The following PLAGL2 variants were observed in gnomAD, a reference collection of about 807,000 sequenced individuals.
PLAGL2 encodes the protein zinc finger protein PLAGL2.
PLAGL2 carries 7 observed loss-of-function variants against 29.0 expected under a neutral mutation model. The ratio of observed to expected loss-of-function variants is 0.24; its 90% CI spans 0.14 to 0.45. PLAGL2 has a LOEUF of 0.45. Ranked by LOEUF, PLAGL2 falls within the 20% of genes least tolerant of loss-of-function variation. The probability of loss-of-function intolerance (pLI) is 0.99; values close to 1 mark genes in which losing one functional copy is unlikely to be tolerated. For missense variants in PLAGL2, 454 were observed against 648.2 expected (o/e 0.70, Z 3.25); for synonymous variants, 234 against 266.0 (o/e 0.88, Z 1.17).
chr20:32,205,290 T>G (rs2047280560), intron 1 of PLAGL2, among the ~76,000 whole-genome samples: 2 of 152,130 alleles, frequency 1.3e-5, no homozygotes, highest in Non-Finnish European at 2.9e-5. Context: ...GTTTCCTTCC[T>G]TTCCCAACAT....
intron 2 of PLAGL2, among the ~76,000 whole-genome samples, chr20:32,200,822 G>C (rs2122541436): frequency 6.6e-6 from 1 of 151,356 alleles, no homozygotes; most frequent in Admixed American, 6.6e-5. Flanking sequence ...TCAAACTCCT[G>C]GCCTCAAGTG....
At chr20:32,205,369 C>T (rs977213441) in intron 1 of PLAGL2, among the ~76,000 whole-genome samples, 5 of 152,120 alleles carry the variant, frequency 3.3e-5, no homozygotes, top group African/African-American at 1.2e-4. Context: ...TTAAAGAGCC[C>T]CTTACTTTAC....
chr20:32,197,512 C>T lies in PLAGL2; in HGVS notation c.431G>A (p.Arg144His). 3 of 1,614,086 alleles carry T rather than the reference C, an allele frequency of 1.9e-6. No individual in the cohort carries two copies. Among genetic ancestry groups the T allele is most frequent in the Non-Finnish European group, 2.5e-6 (3 of 1,180,034 alleles). Residue 144 changes from arginine to histidine, a missense_variant, in exon 3 of 3, where the codon CGC (arginine) becomes CAC (histidine). Physicochemically the swap from Arg to His is conservative, Grantham distance 29 (BLOSUM62 0). Transcript: ENST00000246229. This position sits in a 1 kb window ranked among gnomAD's most constrained non-coding sequence, Gnocchi z 6.6. The stretch of plus-strand genomic sequence containing the variant: ...GCTGGCAGCATGCATGGCCAGGTGG[C>T]GCCGGTAGCCCAGCTTCGTATTGTA... Reference protein sequence around the residue: ...KNYNTKLGYRRHLAMHAASSG... With the variant: ...KNYNTKLGYRHHLAMHAASSG...
intron 2 of PLAGL2, 68 bp downstream of exon 2, chr20:32,201,851 G>T: frequency 7.3e-7 from 1 of 1,375,514 alleles, no homozygotes; most frequent in Non-Finnish European, 1.0e-6. Context: ...ACCCACACTA[G>T]GCAGAGTCTC....
In PLAGL2 at chr20:32,192,954, A is replaced by G. The variant is rs2047208780; in HGVS notation, c.*3498T>C. On this transcript the variant is annotated 3_prime_UTR_variant, in exon 3 of 3. Transcript: ENST00000246229. Reference sequence around the variant, plus strand: ...GAGGCACTAGGTTATCATGGTGAACACCCTTTTCCCTCGCCATAGACCCTA... The same window carrying G: ...GAGGCACTAGGTTATCATGGTGAACGCCCTTTTCCCTCGCCATAGACCCTA... 6.6e-6 allele frequency: 1 copy of G among 152,414 alleles called. No individual in the cohort carries two copies. 9.4% of individuals were successfully genotyped at this position (152,414 alleles called of 1,614,324 possible).
intron 1 of PLAGL2, among the ~76,000 whole-genome samples, chr20:32,203,629 C>T (rs1275021285): frequency 6.6e-6 from 1 of 152,172 alleles, no homozygotes. Flanking sequence ...AGGGCTCCAA[C>T]TGCACAAACT....
At chr20:32,198,613 G>A (rs1181150226) in intron 2 of PLAGL2, among the ~76,000 whole-genome samples, 5 of 152,128 alleles carry the variant, frequency 3.3e-5, no homozygotes, top group African/African-American at 1.2e-4. Flanking sequence ...CTCCATCCTG[G>A]GTGACAGAGC....
rs1258727083 is a variant in PLAGL2, at chr20:32,196,711, T to C, written c.1232A>G (p.Asn411Ser). ...ANLSEALCAA[N>S]VDFSHLLGFL... ...GCCCAGTAGGTGGGAGAAGTCCACA[T>C]TAGCAGCGCAGAGGGCCTCAGAGAG... Residue 411 changes from asparagine to serine, a missense_variant, in exon 3 of 3, where the codon AAT becomes AGT. Physicochemically the swap from Asn to Ser is conservative, Grantham distance 46. Around this residue, in one of 4 missense-constraint regions of PLAGL2, gnomAD observed 247 missense variants for 350.3 expected, o/e 0.71. Transcript: ENST00000246229. The C allele has an allele frequency of 6.4e-7, 1 of 1,567,552 alleles. No homozygotes were observed. Among genetic ancestry groups the C allele is most frequent in the Non-Finnish European group, 8.6e-7 (1 of 1,156,208 alleles).
rs1218976668 is a variant in PLAGL2 at position 32,197,740 on chromosome 20, T to C, written c.261-58A>G. 1.4e-6 allele frequency: 2 copies of C among 1,461,578 alleles called. No individual in the cohort carries two copies. Among genetic ancestry groups the C allele is most frequent in the Admixed American group, 3.6e-5 (2 of 55,144 alleles). 90.5% of individuals were successfully genotyped at this position (1,461,578 alleles called of 1,614,324 possible). ...CAGAAAGAGGGGAGATCACAAGGGA[T>C]GACTGGACAACCAAAGGTGTCCATT... On this transcript the variant is annotated intron_variant, in intron 2 of 2. Transcript: ENST00000246229. The surrounding 1 kb of genome is among the most constrained non-coding windows in gnomAD (Gnocchi z 6.6).
At chr20:32,199,829 C>A (rs574063878) in intron 2 of PLAGL2, among the ~76,000 whole-genome samples, 82 of 151,690 alleles carry the variant, frequency 5.4e-4, no homozygotes, top group Non-Finnish European at 1.0e-3. Context: ...AAAAGTGAGA[C>A]CCTGTCTCAA....
At chr20:32,206,334 AG>A (rs1196306804) in intron 1 of PLAGL2, among the ~76,000 whole-genome samples, 1 of 152,218 alleles carries the variant, frequency 6.6e-6, no homozygotes, top group Non-Finnish European at 1.5e-5. Flanking sequence ...CACCATTCCA[AG>A]AAACATCAAA....
In PLAGL2 at chr20:32,196,174, C is replaced by T; in HGVS notation, c.*278G>A. The stretch of plus-strand genomic sequence containing the variant: ...TCTGGCGCTTTGGAGAGGAAGAGGG[C>T]CAAGTGTGGCTCCCGATTCAGGTCA... On this transcript the variant is annotated 3_prime_UTR_variant, in exon 3 of 3. Transcript: ENST00000246229. 4.0e-6 allele frequency: 1 copy of T among 250,374 alleles called. No individual in the cohort carries two copies. 15.5% of individuals were successfully genotyped at this position (250,374 alleles called of 1,614,324 possible). A position where few individuals can be genotyped will look rare whatever the true frequency, so the allele number is the denominator to read the frequency against.
chr20:32,207,199 G>A (rs958607809), intron 1 of PLAGL2, among the ~76,000 whole-genome samples: 1 of 152,154 alleles, frequency 6.6e-6, no homozygotes, highest in Admixed American at 6.5e-5. Context: ...AGGGTACAGA[G>A]CGGGCTATCT....
At chr20:32,198,048 A>G (rs568403131) in intron 2 of PLAGL2, among the ~76,000 whole-genome samples, 67 of 152,342 alleles carry the variant, frequency 4.4e-4, no homozygotes, top group Non-Finnish European at 8.5e-4. Context: ...CAGGAAGTAG[A>G]AAAAAAGCAA....
In PLAGL2 at chr20:32,193,825, C is replaced by T. The variant is rs1442172335; in HGVS notation, c.*2627G>A. ...TTAGGAAGGGAGGTTTAAGAAATGA[C>T]TGGCTAGCTATGGTCCAAAAAAAAA... On this transcript the variant is annotated 3_prime_UTR_variant, in exon 3 of 3. Transcript: ENST00000246229. The T allele has an allele frequency of 6.6e-6, 1 of 151,582 alleles. No individual in the cohort carries two copies. The highest frequency in any genetic ancestry group is 1.5e-5 in the Non-Finnish European group (1 of 68,222). 9.4% of individuals were successfully genotyped at this position (151,582 alleles called of 1,614,324 possible).
rs1234397745 is a variant in PLAGL2 at position 32,197,534 on chromosome 20, T to G, written c.409A>C (p.Asn137His). Reference sequence around the variant, plus strand: ...TGGCGCCGGTAGCCCAGCTTCGTATTGTAATTCTTACCGCACTCAGAGCAG... The same window carrying G: ...TGGCGCCGGTAGCCCAGCTTCGTATGGTAATTCTTACCGCACTCAGAGCAG... ...LHCSECGKNY[N>H]TKLGYRRHLA... The change falls in exon 3 of 3, where the codon AAT becomes CAT. Residue 137 changes from asparagine to histidine, a missense_variant. This residue lies in a region of PLAGL2 where 111 missense variants were observed against 173.1 expected (regional missense o/e 0.64). Transcript: ENST00000246229. The surrounding 1 kb of genome is among the most constrained non-coding windows in gnomAD (Gnocchi z 6.6). The G allele has an allele frequency of 1.9e-6, 3 of 1,614,136 alleles. No homozygotes were observed. The highest frequency in any genetic ancestry group is 2.5e-6 in the Non-Finnish European group (3 of 1,180,052).
At chr20:32,202,415 T>C (rs2047264804) in intron 1 of PLAGL2, 123 bp from the exon 2 acceptor site, 1 of 558,670 alleles carries the variant, frequency 1.8e-6, no homozygotes, top group Non-Finnish European at 3.2e-6. Flanking sequence ...TTTCAGCCAA[T>C]TACTTACTTC....
rs1398209482 is a variant in PLAGL2, at chr20:32,201,967, G to A, written c.212C>T (p.Pro71Leu). ...AAAAGCCTTGCCACAGTGCAGCTGAGGGCAGCTATATGGTCTCTGCTCTGG... is the reference window on the plus strand; with the variant it reads ...AAAAGCCTTGCCACAGTGCAGCTGAAGGCAGCTATATGGTCTCTGCTCTGG... ...PQPEQRPYSC[P>L]QLHCGKAFAS... Residue 71 changes from proline to leucine, a missense_variant, in exon 2 of 3, where the codon CCT (proline) becomes CTT (leucine). Pro to Leu is a moderately conservative substitution (Grantham distance 98). Transcript: ENST00000246229. 7.4e-6 allele frequency: 12 copies of A among 1,613,980 alleles called. No homozygotes were observed. Among genetic ancestry groups the A allele is most frequent in the Non-Finnish European group, 1.0e-5 (12 of 1,179,800 alleles).
chr20:32,200,643 T>C (rs1449909351), intron 2 of PLAGL2, among the ~76,000 whole-genome samples: 2 of 151,986 alleles, frequency 1.3e-5, no homozygotes, highest in Non-Finnish European at 2.9e-5. Flanking sequence ...CAGGCTGGAG[T>C]ACAGTGGCAC....
Sources: allele counts gnomAD v4.1 joint callset (sites outside exome capture counted in the v4.1 genomes callset), GRCh38; gene constraint gnomAD v4.1.1; regional missense constraint gnomAD v4.1.1; non-coding constraint Gnocchi (gnomAD v3.1); transcripts MANE v1.5; gene names NCBI Gene and HGNC (gene_info 2026-07-23, HGNC 2026-07-21).